Variants in ZFP82 observed in about 807,000 individuals in gnomAD.
The protein encoded by ZFP82 is ZFP82 zinc finger protein, also known as zinc finger protein 82 homolog.
In ZFP82, 30 loss-of-function variants were observed where a neutral mutation model predicts 54.0. The observed-to-expected ratio is 0.56, with a 90% CI of 0.42 to 0.75. The LOEUF (loss-of-function observed/expected upper bound fraction) is 0.75. Among genes scored for constraint, ZFP82 ranks in the 30% least tolerant of loss-of-function variants. The probability of loss-of-function intolerance (pLI) is 0.00; values close to 1 mark genes in which losing one functional copy is unlikely to be tolerated. For synonymous variants in ZFP82, 194 were observed against 209.5 expected, an observed-to-expected ratio of 0.93 and a Z score of 0.64; for missense variants, 500 against 636.8, an observed-to-expected ratio of 0.79 and a Z score of 2.31.
rs1031542083 is a variant in ZFP82 at position 36,390,632 on chromosome 19, T to C, written c.*2109A>G. 8 of 152,332 alleles carry C rather than the reference T, an allele frequency of 5.3e-5. No homozygotes were observed. The highest frequency in any genetic ancestry group is 3.4e-3 in the Middle Eastern group (1 of 294). The allele number at this position is 152,332 out of a possible 1,614,324, so 9.4% of individuals were successfully genotyped here. Reference sequence around the variant, plus strand: ...ATTAGTGTCCTGTCATTCTGCTCCATGCATTATAAGCTTCCTATCCATTTT... The same window carrying C: ...ATTAGTGTCCTGTCATTCTGCTCCACGCATTATAAGCTTCCTATCCATTTT... On this transcript the variant is annotated 3_prime_UTR_variant, in exon 5 of 5. Coordinates refer to ENST00000392161, the MANE Select transcript of ZFP82 (RefSeq NM_133466.4).
At chr19:36,405,712 AAAAT>A in intron 3 of ZFP82, 40 bp from the exon 4 acceptor site, 1 of 1,422,714 alleles carries the variant, frequency 7.0e-7, no homozygotes, top group Non-Finnish European at 9.6e-7. Context: ...ATGAAAATAA[AAAAT>A]AAATCAAAAT....
chr19:36,402,447 CA>C (rs2032402914), intron 4 of ZFP82, among the ~76,000 whole-genome samples: 1 of 108,126 alleles, frequency 9.2e-6, no homozygotes, highest in Non-Finnish European at 1.7e-5. Flanking sequence ...CCAGCCTGGA[CA>C]GAAGAGCGAG....
intron 1 of ZFP82, among the ~76,000 whole-genome samples, chr19:36,414,699 T>A (rs1338935895): frequency 1.3e-5 from 2 of 152,090 alleles, no homozygotes; most frequent in Non-Finnish European, 2.9e-5. Context: ...AAAAAAGGAT[T>A]CACAGAAATC....
At chr19:36,394,260 G>A in intron 4 of ZFP82, 150 bp from the exon 5 acceptor site, 1 of 713,890 alleles carries the variant, frequency 1.4e-6, no homozygotes, top group Non-Finnish European at 2.2e-6. Context: ...AAAAGCCAAA[G>A]GGAACATCAG....
At chr19:36,414,667 A>G (rs948918123) in intron 1 of ZFP82, among the ~76,000 whole-genome samples, 1 of 151,832 alleles carries the variant, frequency 6.6e-6, no homozygotes, top group Non-Finnish European at 1.5e-5. Flanking sequence ...TGGCCTATGT[A>G]ATTCTTCTTA....
chr19:36,385,828 T>TG (rs2032108964), downstream of ZFP82, among the ~76,000 whole-genome samples: 1 of 152,170 alleles, frequency 6.6e-6, no homozygotes, highest in Non-Finnish European at 1.5e-5. Context: ...AACTAATATG[T>TG]GGTGGAAGAA....
At chr19:36,409,097 A>C (rs1404210731) in intron 2 of ZFP82, among the ~76,000 whole-genome samples, 2 of 152,120 alleles carry the variant, frequency 1.3e-5, no homozygotes, top group Admixed American at 1.3e-4. Flanking sequence ...ATCCTGTTCA[A>C]CCAAAAATGG....
intron 3 of ZFP82, among the ~76,000 whole-genome samples, chr19:36,406,857 G>C (rs945340819): frequency 1.3e-5 from 2 of 152,020 alleles, no homozygotes; most frequent in African/African-American, 4.8e-5. Flanking sequence ...GCTACAATGT[G>C]ATGTTTTGAT....
chr19:36,403,075 G>A (rs970655382), intron 4 of ZFP82, among the ~76,000 whole-genome samples: 15 of 151,670 alleles, frequency 9.9e-5, no homozygotes, highest in Non-Finnish European at 1.8e-4. Flanking sequence ...CCTGGGAGGC[G>A]GAGCTTGCAG....
chr19:36,403,218 G>C (rs933440861), intron 4 of ZFP82, among the ~76,000 whole-genome samples: 1 of 151,270 alleles, frequency 6.6e-6, no homozygotes. Flanking sequence ...AGCTGCTCAG[G>C]AGACCGAGTC....
rs10419429 is a variant in ZFP82, at chr19:36,412,174, C to G, written c.-78-2307G>C. Among the ~76,000 whole-genome samples the G allele has an allele frequency of 3.5e-3, 532 of 152,102 alleles. 2 individuals carry two copies. Among genetic ancestry groups the G allele is most frequent in the African/African-American group, 0.012 (511 of 41,510 alleles). On this transcript the variant is annotated intron_variant, in intron 1 of 4. Coordinates refer to ENST00000392161, the MANE Select transcript of ZFP82 (RefSeq NM_133466.4). ...ATATAAAATATTCAAGATATATAAT[C>G]TCTTAGAAAAATAAAATGAACATTA... is the stretch of plus-strand genomic sequence containing the variant.
Position 36,412,730 on chromosome 19 carries a change from G to A in ZFP82, c.-78-2863C>T, listed in dbSNP as rs181444954. Among the ~76,000 whole-genome samples the A allele has an allele frequency of 3.5e-3, 531 of 152,264 alleles. 4 individuals carry two copies. The highest frequency in any genetic ancestry group is 0.034 in the Middle Eastern group (10 of 294). On this transcript the variant is annotated intron_variant, in intron 1 of 4. Coordinates refer to ENST00000392161, the MANE Select transcript of ZFP82 (RefSeq NM_133466.4). The stretch of plus-strand genomic sequence containing the variant: ...TGAAAATAAAAACTATAAGGCACAT[G>A]CTTATTACATAAAATCCATTACCCC...
At chr19:36,414,795 T>G (rs1215123469) in intron 1 of ZFP82, among the ~76,000 whole-genome samples, 1 of 151,898 alleles carries the variant, frequency 6.6e-6, no homozygotes, top group Admixed American at 6.6e-5. Flanking sequence ...AGCTCAAGAA[T>G]TTTGCTTTGA....
At chr19:36,403,663 G>A (rs1463832881) in intron 4 of ZFP82, among the ~76,000 whole-genome samples, 5 of 147,554 alleles carry the variant, frequency 3.4e-5, no homozygotes, top group Admixed American at 2.0e-4. Flanking sequence ...GAGCTGCAAA[G>A]AGAGATGAAA....
In ZFP82 at chr19:36,410,119, T is replaced by A. The variant is rs79886957; in HGVS notation, c.-78-252A>T. Reference sequence around the variant, plus strand: ...ACCACAATCTTCCTTCTTCAAAGTTTCATAGGCCTGTTTAGATTCACCAGA... The same window carrying A: ...ACCACAATCTTCCTTCTTCAAAGTTACATAGGCCTGTTTAGATTCACCAGA... On this transcript the variant is annotated intron_variant, in intron 1 of 4. Coordinates refer to ENST00000392161, the MANE Select transcript of ZFP82 (RefSeq NM_133466.4). 4.1e-4 allele frequency among the ~76,000 whole-genome samples: 62 copies of A among 152,144 alleles called. No homozygotes were observed. In the East Asian group the frequency reaches 0.011, roughly 28 times the overall value.
At chr19:36,386,203 T>G (rs10403466), downstream of ZFP82, among the ~76,000 whole-genome samples, 3,269 of 152,260 alleles carry the variant, frequency 0.021, 82 homozygotes, top group African/African-American at 0.073. Flanking sequence ...GCCAGTAGAG[T>G]GCCCTTGGCT....
chr19:36,402,467 T>TAAAAAAAAAA (rs1316234646), intron 4 of ZFP82, among the ~76,000 whole-genome samples: 1 of 11,912 alleles, frequency 8.4e-5, no homozygotes, highest in Non-Finnish European at 1.5e-4. Context: ...AGACTCCATC[T>TAAAAAAAAAA]CAAAAAAAAA....
intron 3 of ZFP82, among the ~76,000 whole-genome samples, chr19:36,406,389 T>C (rs920116405): frequency 4.6e-5 from 7 of 152,232 alleles, no homozygotes; most frequent in Admixed American, 4.6e-4. Flanking sequence ...TATTGGTCAC[T>C]GGCAGTCAAT....
At chr19:36,413,057 AT>A (rs1266001145) in intron 1 of ZFP82, among the ~76,000 whole-genome samples, 1 of 152,212 alleles carries the variant, frequency 6.6e-6, no homozygotes. Flanking sequence ...ACTTTTAGGA[AT>A]TTATCGTTAG....
Sources: gnomAD v4.1 joint callset for allele counts (sites outside exome capture counted in the v4.1 genomes callset) on GRCh38, gnomAD v4.1.1 for gene constraint, MANE v1.5 for transcripts, NCBI Gene and HGNC (gene_info 2026-07-23, HGNC 2026-07-21) for gene names.